Variants in NR2F1-AS1 observed in about 807,000 individuals in gnomAD.
The protein encoded by NR2F1-AS1 is NR2F1 antisense RNA 1.
chr5:93,476,061 T>C (rs1750478313), intron 4 of NR2F1-AS1, among the ~76,000 whole-genome samples: 1 of 152,214 alleles, frequency 6.6e-6, no homozygotes, highest in African/African-American at 2.4e-5. Context: ...TGATTACAGT[T>C]CATTTAAGGG....
At chr5:93,434,271 C>G (rs1445577202) in intron 4 of NR2F1-AS1, among the ~76,000 whole-genome samples, 2 of 152,022 alleles carry the variant, frequency 1.3e-5, no homozygotes, top group African/African-American at 4.8e-5. Context: ...AAGTGGGGCA[C>G]CAAACAGAAG....
At chr5:93,500,401 C>T (rs1751053883) in intron 4 of NR2F1-AS1, among the ~76,000 whole-genome samples, 1 of 151,924 alleles carries the variant, frequency 6.6e-6, no homozygotes, top group Non-Finnish European at 1.5e-5. Flanking sequence ...ACTTAGATGA[C>T]AGTACATCTG....
At chr5:93,410,763 G>A (rs944166566) in intron 4 of NR2F1-AS1, 10 of 151,926 alleles carry the variant, frequency 6.6e-5, no homozygotes, top group African/African-American at 2.4e-4. Flanking sequence ...CACTCCCCAA[G>A]AAATCCACAA....
At chr5:93,418,068 A>C (rs577524250) in intron 4 of NR2F1-AS1, among the ~76,000 whole-genome samples, 1 of 152,312 alleles carries the variant, frequency 6.6e-6, no homozygotes, top group Non-Finnish European at 1.5e-5. Context: ...CTTGGGACAC[A>C]AGCAAAGCAA....
At chr5:93,427,187 A>G (rs1420991307) in intron 4 of NR2F1-AS1, among the ~76,000 whole-genome samples, 2 of 152,236 alleles carry the variant, frequency 1.3e-5, no homozygotes, top group Non-Finnish European at 2.9e-5. Flanking sequence ...TTAAGTGAAA[A>G]AAATTTAAAG....
rs1751534379 is a variant in NR2F1-AS1 at position 93,522,969 on chromosome 5, C to T, written n.638+30792G>A. 2.6e-5 allele frequency among the ~76,000 whole-genome samples: 4 copies of T among 151,732 alleles called. No individual in the cohort carries two copies. In the South Asian group the frequency reaches 8.3e-4, roughly 32 times the overall value. On this transcript the variant is annotated intron_variant and non_coding_transcript_variant, in intron 4 of 5. Transcript: ENST00000660523. Reference sequence around the variant, plus strand: ...CAGGAGGTTTTTTTTTTTTCATATCCCAGTGGTGCCTGGAACACCAGTGAG... The same window carrying T: ...CAGGAGGTTTTTTTTTTTTCATATCTCAGTGGTGCCTGGAACACCAGTGAG...
chr5:93,579,017 T>C lies in NR2F1-AS1; in HGVS notation n.313+1450A>G, dbSNP rs1200679000. On this transcript the variant is annotated intron_variant and non_coding_transcript_variant, in intron 1 of 5. Coordinates refer to ENST00000660523, the Ensembl canonical transcript of NR2F1-AS1. This position sits in a 1 kb window ranked among gnomAD's most constrained non-coding sequence, Gnocchi z 5.1. ...GTGCCTCTAGGGAAGACATTTTTGC[T>C]GGAGGCAGGGCTATGAGCACAAGTG... Among the ~76,000 whole-genome samples, 1 of 152,148 alleles carries C rather than the reference T, an allele frequency of 6.6e-6. No individual in the cohort carries two copies. The highest frequency in any genetic ancestry group is 1.5e-5 in the Non-Finnish European group (1 of 68,024).
chr5:93,472,436 C>G (rs899091132), intron 4 of NR2F1-AS1, among the ~76,000 whole-genome samples: 3 of 151,394 alleles, frequency 2.0e-5, no homozygotes, highest in African/African-American at 7.3e-5. Flanking sequence ...GTTATTGAAC[C>G]AAATTAACTT....
intron 4 of NR2F1-AS1, among the ~76,000 whole-genome samples, chr5:93,532,048 T>C (rs754175292): frequency 6.6e-6 from 1 of 152,166 alleles, no homozygotes. Flanking sequence ...TCATAACATA[T>C]ACTTATAGAT....
chr5:93,451,094 A>C (rs1455789744), intron 4 of NR2F1-AS1, among the ~76,000 whole-genome samples: 4 of 152,106 alleles, frequency 2.6e-5, no homozygotes, highest in African/African-American at 9.7e-5. Flanking sequence ...ATTTACTATC[A>C]TCCACCTGCC....
chr5:93,430,520 G>T (rs768743444), intron 4 of NR2F1-AS1, among the ~76,000 whole-genome samples: 3 of 152,016 alleles, frequency 2.0e-5, no homozygotes, highest in African/African-American at 4.8e-5. Context: ...TGTGTATGTC[G>T]ATATATACAT....
At chr5:93,455,841 A>ACG (rs1554064304) in intron 4 of NR2F1-AS1, among the ~76,000 whole-genome samples, 5 of 143,998 alleles carry the variant, frequency 3.5e-5, no homozygotes, top group African/African-American at 1.1e-4. Flanking sequence ...CTACACACAC[A>ACG]CGCACACACA....
chr5:93,554,146 T>C (rs897517075), intron 3 of NR2F1-AS1, among the ~76,000 whole-genome samples: 1 of 152,176 alleles, frequency 6.6e-6, no homozygotes, highest in Non-Finnish European at 1.5e-5. Context: ...AAACGAAGAT[T>C]GTTTCTGACT....
intron 4 of NR2F1-AS1, among the ~76,000 whole-genome samples, chr5:93,488,370 C>A (rs184666052): frequency 1.3e-5 from 2 of 152,120 alleles, no homozygotes; most frequent in African/African-American, 4.8e-5. Flanking sequence ...CCAGAATCTA[C>A]AAGGAACTTA....
chr5:93,565,833 T>A (rs1752605885), intron 1 of NR2F1-AS1, among the ~76,000 whole-genome samples: 1 of 150,540 alleles, frequency 6.6e-6, no homozygotes, highest in Non-Finnish European at 1.5e-5. Context: ...TGTGCTAAAA[T>A]ATATATATAT....
chr5:93,424,558 C>A (rs1256306640), intron 4 of NR2F1-AS1, among the ~76,000 whole-genome samples: 1 of 151,980 alleles, frequency 6.6e-6, no homozygotes, highest in Non-Finnish European at 1.5e-5. Context: ...TTACTATATC[C>A]CACTTGGACC....
chr5:93,518,432 C>G (rs1257726469), intron 4 of NR2F1-AS1, among the ~76,000 whole-genome samples: 1 of 152,078 alleles, frequency 6.6e-6, no homozygotes, highest in Non-Finnish European at 1.5e-5. Flanking sequence ...GATGATTTCA[C>G]TCAATTCTTT....
At chr5:93,571,570 T>C (rs1752769422) in intron 1 of NR2F1-AS1, among the ~76,000 whole-genome samples, 1 of 151,882 alleles carries the variant, frequency 6.6e-6, no homozygotes, top group Non-Finnish European at 1.5e-5. Context: ...CCCGCCCTCC[T>C]ATGCAAGAGC....
chr5:93,584,630 A>C (rs1183542342), upstream of NR2F1-AS1: 1 of 36,892 alleles, frequency 2.7e-5, no homozygotes, highest in Non-Finnish European at 5.4e-5. Flanking sequence ...GGGGGTGGGG[A>C]GGGGGGAAGG....
Sources: gnomAD v4.1 joint callset for allele counts (sites outside exome capture counted in the v4.1 genomes callset) on GRCh38, gnomAD v4.1.1 for gene constraint, Gnocchi (gnomAD v3.1) non-coding constraint, MANE v1.5 for transcripts, NCBI Gene and HGNC (gene_info 2026-07-23, HGNC 2026-07-21) for gene names.